LIPC: variants seen among roughly 807,000 people sequenced by gnomAD.
LIPC encodes the protein lipase C, hepatic type, also known as hepatic triacylglycerol lipase.
In LIPC, 44 loss-of-function variants were observed where a neutral mutation model predicts 50.7. The observed-to-expected ratio is 0.87, with a 90% CI of 0.68 to 1.11. The LOEUF is 1.11. Ranked by LOEUF, LIPC falls within the 50% of genes most tolerant of loss-of-function variation. The pLI is 0.00. For synonymous variants in LIPC, 271 were observed against 256.4 expected, an observed-to-expected ratio of 1.06 and a Z score of -0.54; for missense variants, 697 against 648.2, an observed-to-expected ratio of 1.08 and a Z score of -0.82.
At chr15:58,511,058 G>A (rs894966856) in intron 1 of LIPC, among the ~76,000 whole-genome samples, 8 of 152,220 alleles carry the variant, frequency 5.3e-5, no homozygotes, top group African/African-American at 1.7e-4. Flanking sequence ...AATAGCTTAA[G>A]AGACTTCCCT....
intron 1 of LIPC, among the ~76,000 whole-genome samples, chr15:58,437,574 T>A (rs1240784042): frequency 6.6e-6 from 1 of 152,126 alleles, no homozygotes; most frequent in Non-Finnish European, 1.5e-5. Flanking sequence ...CAGCTACAGT[T>A]AGATTGGTCA....
intron 1 of LIPC, among the ~76,000 whole-genome samples, chr15:58,481,753 C>A (rs146539398): frequency 6.6e-6 from 1 of 152,172 alleles, no homozygotes; most frequent in African/African-American, 2.4e-5. Flanking sequence ...GAGCCGAGAT[C>A]GGGCCACTGC....
intron 1 of LIPC, among the ~76,000 whole-genome samples, chr15:58,470,315 A>C (rs1386746032): frequency 6.6e-6 from 1 of 152,126 alleles, no homozygotes; most frequent in African/African-American, 2.4e-5. Context: ...AAAACCAAAG[A>C]CCAGCTTTTA....
At chr15:58,493,069 T>G (rs1048245638) in intron 1 of LIPC, among the ~76,000 whole-genome samples, 1 of 152,158 alleles carries the variant, frequency 6.6e-6, no homozygotes, top group African/African-American at 2.4e-5. Context: ...GAAAACTGAT[T>G]TAATAAGTAA....
intron 1 of LIPC, chr15:58,454,204 CA>C (rs1894024848): frequency 6.6e-6 from 1 of 152,208 alleles, no homozygotes. Flanking sequence ...GAACTTGGAG[CA>C]AATAACCAGA....
intron 8 of LIPC, chr15:58,565,237 C>G (rs1382222155): frequency 4.6e-6 from 7 of 1,535,618 alleles, no homozygotes; most frequent in East Asian, 2.4e-5. Context: ...CTGCACTGAG[C>G]TCTTCTCACA....
intron 1 of LIPC, among the ~76,000 whole-genome samples, chr15:58,503,306 G>T (rs1338833474): frequency 6.6e-6 from 1 of 152,174 alleles, no homozygotes; most frequent in African/African-American, 2.4e-5. Context: ...TTCAGGATCT[G>T]TCACTGGATT....
intron 1 of LIPC, among the ~76,000 whole-genome samples, chr15:58,524,151 A>G (rs549291906): frequency 2.0e-5 from 3 of 152,272 alleles, no homozygotes; most frequent in East Asian, 3.9e-4. Context: ...CTGAAAGCCA[A>G]CATGGAGTTA....
chr15:58,490,757 C>T (rs535996672), intron 1 of LIPC, among the ~76,000 whole-genome samples: 1 of 152,276 alleles, frequency 6.6e-6, no homozygotes, highest in Admixed American at 6.5e-5. Flanking sequence ...GTCTCCCAGG[C>T]GACACGGAAA....
At position 58,437,601 on chromosome 15, in the gene LIPC, G is replaced by A. The variant is rs151168219; in HGVS notation, c.88+5481G>A. Among the ~76,000 whole-genome samples the A allele has an allele frequency of 1.4e-4, 21 of 152,050 alleles. No individual in the cohort carries two copies. The East Asian group carries it at 1.9e-3, about 14-fold the overall frequency. On this transcript the variant is annotated intron_variant, in intron 1 of 8. Coordinates refer to ENST00000299022, the MANE Select transcript of LIPC (RefSeq NM_000236.3). Reference sequence around the variant, plus strand: ...GATTGGTCATCCCAAGACGACCCCCGGGAAAGGGATTTTCCACTGTCCTTC... The same window carrying A: ...GATTGGTCATCCCAAGACGACCCCCAGGAAAGGGATTTTCCACTGTCCTTC...
intron 1 of LIPC, among the ~76,000 whole-genome samples, chr15:58,490,202 G>T (rs1353199471): frequency 6.6e-6 from 1 of 152,160 alleles, no homozygotes; most frequent in East Asian, 1.9e-4. Flanking sequence ...TTAAACATGC[G>T]TGGGGTCGGG....
chr15:58,548,449 C>G lies in LIPC; in HGVS notation c.928C>G (p.Gln310Glu). Reference protein sequence around the residue: ...YPCGDMNSFSQGLCLSCKKGR... With the variant: ...YPCGDMNSFSEGLCLSCKKGR... ...GTGTGGTGACATGAACAGCTTCAGC[C>G]AGGGCCTGTGCCTGAGCTGCAAGAA... Residue 310 changes from glutamine to glutamate, a missense_variant, in exon 6 of 9, where the codon CAG becomes GAG. By Grantham distance (29) the Gln-to-Glu change is conservative. Transcript: ENST00000299022. 6.2e-7 allele frequency: 1 copy of G among 1,613,846 alleles called. No homozygotes were observed. The highest frequency in any genetic ancestry group is 8.5e-7 in the Non-Finnish European group (1 of 1,179,898).
intron 6 of LIPC, among the ~76,000 whole-genome samples, chr15:58,559,346 A>T (rs986102100): frequency 2.0e-5 from 3 of 152,232 alleles, no homozygotes; most frequent in Non-Finnish European, 4.4e-5. Flanking sequence ...ACAAAAGTTT[A>T]TTAAGCACCT....
intron 1 of LIPC, among the ~76,000 whole-genome samples, chr15:58,531,908 C>A (rs1892972518): frequency 2.0e-5 from 3 of 152,246 alleles, no homozygotes; most frequent in Middle Eastern, 6.8e-3. Flanking sequence ...AAAACAATAT[C>A]TTAATGACCT....
chr15:58,552,645 C>G (rs1276227184), intron 6 of LIPC, among the ~76,000 whole-genome samples: 1 of 152,220 alleles, frequency 6.6e-6, no homozygotes, highest in Non-Finnish European at 1.5e-5. Context: ...CCTTGCTGGT[C>G]GGCGAGATGA....
intron 1 of LIPC, among the ~76,000 whole-genome samples, chr15:58,487,814 G>A (rs11856322): frequency 0.26 from 39,993 of 152,098 alleles, 5,301 homozygotes; most frequent in East Asian, 0.32. Flanking sequence ...TGCAGGGCCC[G>A]AGGTCATCTT....
At chr15:58,471,194 T>C (rs1894783622) in intron 1 of LIPC, among the ~76,000 whole-genome samples, 1 of 145,938 alleles carries the variant, frequency 6.9e-6, no homozygotes, top group African/African-American at 2.6e-5. Context: ...TGGAATACAG[T>C]GGTGTCATCT....
In LIPC at chr15:58,497,335, T is replaced by C. The variant is rs138611943; in HGVS notation, c.89-40998T>C. 2.4e-3 allele frequency among the ~76,000 whole-genome samples: 366 copies of C among 152,286 alleles called. 1 individual carries two copies. The highest frequency in any genetic ancestry group is 3.9e-3 in the Non-Finnish European group (263 of 68,014). On this transcript the variant is annotated intron_variant, in intron 1 of 8. Transcript: ENST00000299022. ...GGGACAATCTGTCAGCAGCCACTAA[T>C]TCTCAGGAATGGATGGGGAAGTGGG...
intron 1 of LIPC, among the ~76,000 whole-genome samples, chr15:58,500,628 G>C (rs1595901028): frequency 2.0e-5 from 3 of 152,246 alleles, no homozygotes; most frequent in Admixed American, 1.3e-4. Context: ...CATATGTGCT[G>C]CTACTAAGCT....
Sources: allele counts gnomAD v4.1 joint callset (sites outside exome capture counted in the v4.1 genomes callset), GRCh38; gene constraint gnomAD v4.1.1; transcripts MANE v1.5; gene names NCBI Gene and HGNC (gene_info 2026-07-23, HGNC 2026-07-21).